The following ECT2 variants were observed in gnomAD, a reference collection of about 807,000 sequenced individuals.
ECT2 encodes the protein epithelial cell transforming 2, also known as protein ECT2.
In ECT2, 61 loss-of-function variants were observed where a neutral mutation model predicts 116.9. That is an observed-to-expected ratio of 0.52 (90% CI 0.42 to 0.65). ECT2 has a LOEUF of 0.65. ECT2 is among the 30% of genes least tolerant of loss of function. The pLI is 0.00. For synonymous variants in ECT2, 358 were observed against 346.4 expected, an observed-to-expected ratio of 1.03 and a Z score of -0.37; for missense variants, 937 against 1,078.7, an observed-to-expected ratio of 0.87 and a Z score of 1.84.
In ECT2 at chr3:172,786,489, A is replaced by G. The variant is rs1723628084; in HGVS notation, c.1826-4A>G. The G allele has an allele frequency of 1.3e-6, 2 of 1,595,542 alleles. No homozygotes were observed. The highest frequency in any genetic ancestry group is 1.7e-6 in the Non-Finnish European group (2 of 1,167,064). ...TGCATGGAAAAAACATTGTATTATT[A>G]CAGATCTTAAGAAGCATACAGCTGA... is the stretch of plus-strand genomic sequence containing the variant. On this transcript the variant is annotated splice_polypyrimidine_tract_variant and splice_region_variant and intron_variant, in intron 17 of 24. Coordinates refer to ENST00000392692, the MANE Select transcript of ECT2 (RefSeq NM_001258315.2).
chr3:172,818,432 A>G, intron 24 of ECT2: 1 of 578,718 alleles, frequency 1.7e-6, no homozygotes. Context: ...AAAATTTTAG[A>G]AAATTAATTT....
Position 172,820,160 on chromosome 3 carries a change from C to T in ECT2, c.2668C>T (p.Pro890Ser). ...TTTGTCTTAACAGGGTATCCCTTCTCCCTCCCTTGTCAGCCTTCCTTCCTT... is the reference window on the plus strand; with the variant it reads ...TTTGTCTTAACAGGGTATCCCTTCTTCCTCCCTTGTCAGCCTTCCTTCCTT... ...STSSLAGIPS[P>S]SLVSLPSFFE... Residue 890 changes from proline (P) to serine (S), a missense_variant, in exon 25 of 25, where the codon CCC (proline) becomes TCC (serine). Physicochemically the swap from Pro to Ser is moderately conservative, Grantham distance 74 (BLOSUM62 -1). Coordinates refer to ENST00000392692, the MANE Select transcript of ECT2 (RefSeq NM_001258315.2). 1 of 1,608,938 alleles carries T rather than the reference C, an allele frequency of 6.2e-7. No homozygotes were observed. Among genetic ancestry groups the T allele is most frequent in the Non-Finnish European group, 8.5e-7 (1 of 1,176,870 alleles).
chr3:172,805,636 TATAG>T (rs754760117), intron 20 of ECT2, 91 bp from the exon 21 acceptor site: 42 of 1,206,612 alleles, frequency 3.5e-5, no homozygotes, highest in Non-Finnish European at 4.8e-5. Flanking sequence ...ATAAGTTATA[TATAG>T]ATTTATGTGA....
intron 17 of ECT2, among the ~76,000 whole-genome samples, chr3:172,786,264 G>A (rs1723593437): frequency 6.6e-6 from 1 of 152,182 alleles, no homozygotes; most frequent in South Asian, 2.1e-4. Context: ...TGGAATAGCA[G>A]TGTAAGAAAA....
At chr3:172,802,504 G>T in intron 18 of ECT2, 112 bp from the exon 19 acceptor site, 1 of 643,374 alleles carries the variant, frequency 1.6e-6, no homozygotes, top group East Asian at 3.1e-5. Flanking sequence ...TATTTTAACT[G>T]ATTCACTTAT....
intron 21 of ECT2, 192 bp downstream of exon 21, chr3:172,806,061 C>G: frequency 1.8e-6 from 1 of 543,024 alleles, no homozygotes; most frequent in Non-Finnish European, 3.1e-6. Context: ...TTTGTTTTCT[C>G]AAATGAAAGT....
At chr3:172,805,593 G>A (rs1347570215) in intron 20 of ECT2, 138 bp from the exon 21 acceptor site, 14 of 825,478 alleles carry the variant, frequency 1.7e-5, no homozygotes, top group Non-Finnish European at 2.5e-5. Context: ...TAGTAACTCT[G>A]CTTATAACAA....
At chr3:172,772,854 T>C (rs567049481) in intron 13 of ECT2, among the ~76,000 whole-genome samples, 1 of 152,372 alleles carries the variant, frequency 6.6e-6, no homozygotes, top group South Asian at 2.1e-4. Context: ...TAATACCGTT[T>C]GTTGAAAGAC....
At chr3:172,828,783 T>G in the ECT2 span, 78 of 662,418 alleles carry the variant, frequency 1.2e-4, no homozygotes, top group Non-Finnish European at 1.9e-5. Flanking sequence ...GAACCCCCCA[T>G]GGCCTCAGAC....
At chr3:172,826,991 G>A in the ECT2 span, among the ~76,000 whole-genome samples, 2 of 152,096 alleles carry the variant, frequency 1.3e-5, no homozygotes, top group Admixed American at 6.6e-5. Flanking sequence ...TTGAATAGAC[G>A]TGTTTCAAAA....
intron 18 of ECT2, among the ~76,000 whole-genome samples, chr3:172,791,503 C>G (rs1724662953): frequency 6.6e-6 from 1 of 152,214 alleles, no homozygotes; most frequent in South Asian, 2.1e-4. Flanking sequence ...GGATAACTTG[C>G]TGTAGCTTCT....
the ECT2 span, chr3:172,828,979 G>T: frequency 8.3e-7 from 1 of 1,199,246 alleles, no homozygotes; most frequent in East Asian, 2.4e-5. Flanking sequence ...ATTGGTTGCT[G>T]TGTCAATGTC....
At position 172,784,818 on chromosome 3, in the gene ECT2, TG is replaced by T; in HGVS notation, c.1825+16del. 1 of 1,413,566 alleles carries T rather than the reference TG, an allele frequency of 7.1e-7. No homozygotes were observed. The allele number at this position is 1,413,566 out of a possible 1,614,324, so 87.6% of individuals were successfully genotyped here. On this transcript the variant is annotated intron_variant, in intron 17 of 24. Coordinates refer to ENST00000392692, the MANE Select transcript of ECT2 (RefSeq NM_001258315.2). ...ACTTTTAAATGGTACTTGTCTGATC[TG>T]TTTCAAACTACATCAGATATTTTAA... is the stretch of plus-strand genomic sequence containing the variant.
intron 5 of ECT2, among the ~76,000 whole-genome samples, chr3:172,758,353 A>G (rs568485784): frequency 6.6e-6 from 1 of 152,190 alleles, no homozygotes; most frequent in East Asian, 1.9e-4. Flanking sequence ...TTTGATTTGG[A>G]GTGGTTGGTT....
rs73880267 is a variant in ECT2, at chr3:172,769,223, G to A, written c.1428+80G>A. 16,211 of 1,322,282 alleles carry A rather than the reference G, an allele frequency of 0.012. 1,598 individuals carry two copies. In the African/African-American group the frequency reaches 0.21, roughly 17 times the overall value. The allele number at this position is 1,322,282 out of a possible 1,614,324, so 81.9% of individuals were successfully genotyped here. On this transcript the variant is annotated intron_variant, in intron 13 of 24. Coordinates refer to ENST00000392692, the MANE Select transcript of ECT2 (RefSeq NM_001258315.2). ...AAATCTAGGTGATATTGTTTCTTAC[G>A]AGAAAATTATATAAACATAGTATTT...
At chr3:172,774,087 T>TGA (rs1721200495) in intron 14 of ECT2, 65 bp downstream of exon 14, 1 of 1,505,134 alleles carries the variant, frequency 6.6e-7, no homozygotes, top group Non-Finnish European at 9.2e-7. Context: ...TTATGATCTT[T>TGA]GAGGTACTTC....
At chr3:172,818,527 T>G (rs1047736532) in intron 24 of ECT2, 7 of 1,223,854 alleles carry the variant, frequency 5.7e-6, no homozygotes, top group Non-Finnish European at 7.3e-6. Flanking sequence ...TCTTCTCAAT[T>G]GCTTGTTTCT....
rs1009335724 is a variant in ECT2 at position 172,802,504 on chromosome 3, G to C, written c.1908-112G>C. On this transcript the variant is annotated intron_variant, in intron 18 of 24. Coordinates refer to ENST00000392692, the MANE Select transcript of ECT2 (RefSeq NM_001258315.2). ...GATACTTTTAAGGAATATTTTAACT[G>C]ATTCACTTATCAAAATAAGACATTC... 13 of 643,258 alleles carry C rather than the reference G, an allele frequency of 2.0e-5. No individual in the cohort carries two copies. In the African/African-American group the frequency reaches 2.1e-4, roughly 10 times the overall value. The allele number at this position is 643,258 out of a possible 1,614,324, so 39.8% of individuals were successfully genotyped here.
In ECT2 at chr3:172,802,649, T is replaced by C; in HGVS notation, c.1941T>C (p.Ala647=). 6.2e-7 allele frequency: 1 copy of C among 1,603,080 alleles called. No individual in the cohort carries two copies. The highest frequency in any genetic ancestry group is 8.5e-7 in the Non-Finnish European group (1 of 1,174,758). The stretch of plus-strand genomic sequence containing the variant: ...ATGAGGATAAGAGAAAAACAGAAGC[T>C]CAAAAGCAAATTTTTGATGTTGTTT... ...HINEDKRKTE[A]QKQIFDVVYE... The change falls in exon 19 of 25, where the codon GCT becomes GCC. Residue 647 remains alanine, a synonymous_variant. Coordinates refer to ENST00000392692, the MANE Select transcript of ECT2 (RefSeq NM_001258315.2).
Sources: allele counts gnomAD v4.1 joint callset (sites outside exome capture counted in the v4.1 genomes callset), GRCh38; gene constraint gnomAD v4.1.1; transcripts MANE v1.5; gene names NCBI Gene and HGNC (gene_info 2026-07-23, HGNC 2026-07-21).